The following SATL1 variants were observed in gnomAD, a reference collection of about 807,000 sequenced individuals.
SATL1 encodes spermidine/spermine N(1)-acetyltransferase-like protein 1.
A neutral mutation model predicts 51.8 loss-of-function variants in SATL1; 47 were observed. The observed-to-expected ratio is 0.91, with a 90% CI of 0.72 to 1.16. The LOEUF (loss-of-function observed/expected upper bound fraction) is 1.16, where lower values mean the gene tolerates loss of function less well. Ranked by LOEUF, SATL1 falls within the 50% of genes most tolerant of loss-of-function variation. SATL1 has a pLI of 0.00. For synonymous variants in SATL1, 176 were observed against 182.4 expected, an observed-to-expected ratio of 0.97 and a Z score of 0.28; for missense variants, 520 against 526.4, an observed-to-expected ratio of 0.99 and a Z score of 0.12.
chrX:85,101,126 C>T (rs1924883166), intron 4 of SATL1, among the ~76,000 whole-genome samples: 1 of 112,247 alleles, frequency 8.9e-6, no homozygotes, highest in African/African-American at 3.2e-5. Flanking sequence ...ATCTTCAAGA[C>T]ATTGAATTTG....
At chrX:85,220,586 C>T (rs1289886006) in intron 2 of SATL1, among the ~76,000 whole-genome samples, 7 of 94,969 alleles carry the variant, frequency 7.4e-5, no homozygotes, top group African/African-American at 2.8e-4. Context: ...CATAGGGCAC[C>T]GATCAGAGTC....
intron 2 of SATL1, among the ~76,000 whole-genome samples, chrX:85,167,243 C>G (rs1038024861): frequency 1.1e-5 from 1 of 91,225 alleles, no homozygotes; most frequent in Non-Finnish European, 2.1e-5. Flanking sequence ...TCTGGGGAAT[C>G]AGAGAGATGG....
At chrX:85,123,035 C>A (rs1925541132) in intron 2 of SATL1, among the ~76,000 whole-genome samples, 1 of 111,673 alleles carries the variant, frequency 9.0e-6, no homozygotes, top group Non-Finnish European at 1.9e-5. Flanking sequence ...GCGTATATAT[C>A]ACATTTTCTT....
At chrX:85,128,109 G>A (rs1217303368) in intron 2 of SATL1, among the ~76,000 whole-genome samples, 1 of 111,652 alleles carries the variant, frequency 9.0e-6, no homozygotes, top group African/African-American at 3.3e-5. Flanking sequence ...ATAAACATAT[G>A]TGTGCATGTG....
At chrX:85,197,470 C>CTTTATTTATTTA (rs767059111) in intron 2 of SATL1, among the ~76,000 whole-genome samples, 12,067 of 107,888 alleles carry the variant, frequency 0.11, 614 homozygotes, top group South Asian at 0.13. Flanking sequence ...AATACTAGAT[C>CTTTATTTATTTA]TTTATTTATT....
Position 85,220,644 on chromosome X carries a change from T to TAAAAAAAAA in SATL1, c.-313+3552_-313+3560dup, listed in dbSNP as rs57383092. Among the ~76,000 whole-genome samples, 26 of 24,162 alleles carry TAAAAAAAAA rather than the reference T, an allele frequency of 1.1e-3. 3 individuals are homozygous for TAAAAAAAAA. The highest frequency in any genetic ancestry group is 3.7e-3 in the East Asian group (2 of 545). 21.0% of individuals were successfully genotyped at this position (24,162 alleles called of 115,157 possible). ...TAGCTCCCAGGCAGCACTTCTGTGT[T>TAAAAAAAAA]AAAAAAAAAAAAAAAAAAAAAAAAA... On this transcript the variant is annotated intron_variant, in intron 2 of 7. Transcript: ENST00000644105.
chrX:85,096,192 A>G (rs1475911655), intron 4 of SATL1, among the ~76,000 whole-genome samples: 1 of 111,533 alleles, frequency 9.0e-6, no homozygotes, highest in African/African-American at 3.3e-5. Context: ...AAACAAAATA[A>G]TATAGATATA....
chrX:85,182,890 C>T (rs1053930538), intron 2 of SATL1, among the ~76,000 whole-genome samples: 17 of 111,481 alleles, frequency 1.5e-4, no homozygotes, highest in African/African-American at 4.9e-4. Context: ...GTCTTCTTTT[C>T]AAAAATATCT....
At chrX:85,205,589 G>C (rs1202513793) in intron 2 of SATL1, among the ~76,000 whole-genome samples, 1 of 112,135 alleles carries the variant, frequency 8.9e-6, no homozygotes, top group Non-Finnish European at 1.9e-5. Context: ...TCTAAATAGA[G>C]AGAAGAACTA....
chrX:85,238,999 A>C (rs996463587), intron 1 of SATL1, among the ~76,000 whole-genome samples: 2 of 111,236 alleles, frequency 1.8e-5, no homozygotes, highest in African/African-American at 6.5e-5. Flanking sequence ...CAAGATGATT[A>C]ATATCTACAA....
In SATL1 at chrX:85,213,763, A is replaced by G. The variant is rs376024105; in HGVS notation, c.-313+10442T>C. On this transcript the variant is annotated intron_variant, in intron 2 of 7. Transcript: ENST00000644105. ...TCTAATGTACTTAGCATATATTAGG[A>G]AAGATATATCATCTATGAGGACAAG... Among the ~76,000 whole-genome samples, 14 of 111,824 alleles carry G rather than the reference A, an allele frequency of 1.3e-4. No homozygotes were observed. In the East Asian group the frequency reaches 3.1e-3, roughly 25 times the overall value.
intron 2 of SATL1, among the ~76,000 whole-genome samples, chrX:85,165,238 A>C (rs2083449830): frequency 9.0e-6 from 1 of 111,277 alleles, no homozygotes; most frequent in Non-Finnish European, 1.9e-5. Context: ...TTCATTATTT[A>C]AAATTCTTTT....
Position 85,094,983 on chromosome X carries a change from A to T in SATL1, c.1707T>A (p.Asp569Glu). Residue 569 changes from aspartate to glutamate, a missense_variant, in exon 5 of 8, where the codon GAT becomes GAA. Around this residue, in one of 3 missense-constraint regions of SATL1, gnomAD observed 488 missense variants for 474.3 expected, o/e 1.03. Coordinates refer to ENST00000644105, the MANE Select transcript of SATL1 (RefSeq NM_001367857.2). ...AGAAAAGGGGATTGTCCCCAAAGCC[A>T]TCTCTGAGTAAATCTGAAATATCAA... ...MELTAADLLRDGFGDNPLFYC... is the reference protein window; with the variant it reads ...MELTAADLLREGFGDNPLFYC... The T allele has an allele frequency of 8.8e-7, 1 of 1,138,559 alleles. No individual in the cohort carries two copies. The highest frequency in any genetic ancestry group is 1.9e-5 in the South Asian group (1 of 53,551). 93.8% of individuals were successfully genotyped at this position (1,138,559 alleles called of 1,213,427 possible).
chrX:85,170,968 C>A (rs1391817411), intron 2 of SATL1, among the ~76,000 whole-genome samples: 1 of 111,383 alleles, frequency 9.0e-6, no homozygotes, highest in Non-Finnish European at 1.9e-5. Context: ...TTTTATTTTA[C>A]TGTGCGAATA....
rs1054522733 is a variant in SATL1, at chrX:85,224,252, C to G, written c.-360G>C. 9.0e-6 allele frequency: 1 copy of G among 110,589 alleles called. No homozygotes were observed. Among genetic ancestry groups the G allele is most frequent in the Non-Finnish European group, 1.9e-5 (1 of 52,763 alleles). 9.1% of individuals were successfully genotyped at this position (110,589 alleles called of 1,213,427 possible). ...CGGTATTTCTTGGCTTGTAGCCACA[C>G]CACTGTGATCTCTGCCTCCCTTTTC... On this transcript the variant is annotated 5_prime_UTR_variant, in exon 2 of 8. Coordinates refer to ENST00000644105, the MANE Select transcript of SATL1 (RefSeq NM_001367857.2).
At chrX:85,159,848 ACTG>A (rs762441466) in intron 2 of SATL1, among the ~76,000 whole-genome samples, 30 of 110,524 alleles carry the variant, frequency 2.7e-4, no homozygotes, top group Non-Finnish European at 4.9e-4. Flanking sequence ...CCATGCTGCC[ACTG>A]CTGCTGCTGC....
chrX:85,225,462 T>A (rs895194182), intron 1 of SATL1, among the ~76,000 whole-genome samples: 1 of 112,244 alleles, frequency 8.9e-6, no homozygotes, highest in African/African-American at 3.2e-5. Flanking sequence ...AAATTAAATG[T>A]CAAGATGATG....
chrX:85,184,713 G>A (rs1193624773), intron 2 of SATL1, among the ~76,000 whole-genome samples: 1 of 111,576 alleles, frequency 9.0e-6, no homozygotes, highest in African/African-American at 3.2e-5. Flanking sequence ...TATCTGATAG[G>A]AATATGAATT....
chrX:85,199,299 G>A (rs760497971), intron 2 of SATL1, among the ~76,000 whole-genome samples: 21 of 111,090 alleles, frequency 1.9e-4, no homozygotes, highest in African/African-American at 5.6e-4. Flanking sequence ...GCAAGGATGC[G>A]GAGAAAAGGG....
Sources: gnomAD v4.1 joint callset for allele counts (sites outside exome capture counted in the v4.1 genomes callset) on GRCh38, gnomAD v4.1.1 for gene constraint, gnomAD v4.1.1 regional missense constraint, MANE v1.5 for transcripts, NCBI Gene and HGNC (gene_info 2026-07-23, HGNC 2026-07-21) for gene names.